Variants in LRP12 observed in about 807,000 individuals in gnomAD.
The protein encoded by LRP12 is low-density lipoprotein receptor-related protein 12.
LRP12 carries 14 observed loss-of-function variants against 66.0 expected under a neutral mutation model. That is an observed-to-expected ratio of 0.21 (90% CI 0.14 to 0.33). The LOEUF is 0.33. Among genes scored for constraint, LRP12 ranks in the 10% least tolerant of loss-of-function variants. LRP12 has a pLI of 1.00. For missense variants in LRP12, 889 were observed against 1,053.4 expected, an observed-to-expected ratio of 0.84 and a Z score of 2.16; for synonymous variants, 357 against 359.1, an observed-to-expected ratio of 0.99 and a Z score of 0.07.
At chr8:104,581,861 G>C (rs1812253660) in intron 1 of LRP12, among the ~76,000 whole-genome samples, 1 of 152,084 alleles carries the variant, frequency 6.6e-6, no homozygotes, top group Non-Finnish European at 1.5e-5. Flanking sequence ...CTCACACAAT[G>C]ATTTTGAGAA....
chr8:104,517,190 C>T (rs886279521), intron 2 of LRP12, among the ~76,000 whole-genome samples: 3 of 149,490 alleles, frequency 2.0e-5, no homozygotes, highest in Non-Finnish European at 4.4e-5. Context: ...AATATGACAG[C>T]ATACCAGATA....
chr8:104,512,643 G>A (rs1315235418), intron 2 of LRP12, among the ~76,000 whole-genome samples: 2 of 152,032 alleles, frequency 1.3e-5, no homozygotes, highest in Non-Finnish European at 2.9e-5. Context: ...TGACTAAATC[G>A]ATAGAATAAT....
Position 104,498,046 on chromosome 8 carries a change from T to C in LRP12, c.506A>G (p.Asp169Gly). The C allele has an allele frequency of 1.2e-6, 2 of 1,604,620 alleles. No homozygotes were observed. Among genetic ancestry groups the C allele is most frequent in the South Asian group, 1.1e-5 (1 of 89,328 alleles). Residue 169 changes from aspartate to glycine, a missense_variant, in exon 5 of 7, where the codon GAT becomes GGT. Coordinates refer to ENST00000276654, the MANE Select transcript of LRP12 (RefSeq NM_013437.5). ...CTTTCCATTACCACAACGAAACTGATCACAAGCACAATTTGGTTCCTCAGA... is the reference window on the plus strand; with the variant it reads ...CTTTCCATTACCACAACGAAACTGACCACAAGCACAATTTGGTTCCTCAGA... ...GKSEEPNCAC[D>G]QFRCGNGKCI...
chr8:104,548,164 TATATATA>T (rs1485639161), intron 1 of LRP12, among the ~76,000 whole-genome samples: 19 of 45,648 alleles, frequency 4.2e-4, no homozygotes, highest in African/African-American at 1.9e-3. Flanking sequence ...TAATAATTAT[TATATATA>T]ATATAATATA....
Position 104,556,896 on chromosome 8 carries a change from A to C in LRP12, c.80-24933T>G, listed in dbSNP as rs112412831. Among the ~76,000 whole-genome samples the C allele has an allele frequency of 4.7e-3, 718 of 152,352 alleles. 8 individuals carry two copies. The highest frequency in any genetic ancestry group is 0.016 in the African/African-American group (685 of 41,582). ...ACCAGCTAACCAAATCCAATAGCAT[A>C]TAAAAAGATAACCCACCATGATCAA... On this transcript the variant is annotated intron_variant, in intron 1 of 6. Transcript: ENST00000276654.
chr8:104,547,788 A>C (rs1313867649), intron 1 of LRP12, among the ~76,000 whole-genome samples: 2 of 128,976 alleles, frequency 1.6e-5, no homozygotes, highest in African/African-American at 5.8e-5. Flanking sequence ...TGTATATAAT[A>C]TATAATTATA....
At chr8:104,537,067 TAA>T (rs563891275) in intron 1 of LRP12, among the ~76,000 whole-genome samples, 2 of 141,296 alleles carry the variant, frequency 1.4e-5, no homozygotes. Context: ...GAAAAATATG[TAA>T]AAAAAAAAAA....
intron 1 of LRP12, among the ~76,000 whole-genome samples, chr8:104,560,280 A>C (rs918507860): frequency 6.6e-6 from 1 of 152,164 alleles, no homozygotes; most frequent in Non-Finnish European, 1.5e-5. Flanking sequence ...GAAGAACAGA[A>C]TCAAGTATCA....
At chr8:104,556,903 G>T (rs1811818973) in intron 1 of LRP12, among the ~76,000 whole-genome samples, 2 of 152,094 alleles carry the variant, frequency 1.3e-5, no homozygotes, top group Non-Finnish European at 2.9e-5. Flanking sequence ...CATATAAAAA[G>T]ATAACCCACC....
intron 1 of LRP12, among the ~76,000 whole-genome samples, chr8:104,555,295 T>G (rs996584952): frequency 6.6e-6 from 1 of 152,062 alleles, no homozygotes; most frequent in East Asian, 1.9e-4. Context: ...AATAGCATGA[T>G]GAAAAGAATA....
intron 1 of LRP12, among the ~76,000 whole-genome samples, chr8:104,584,913 G>T (rs1048909071): frequency 6.6e-6 from 1 of 152,206 alleles, no homozygotes; most frequent in Non-Finnish European, 1.5e-5. Flanking sequence ...CCTTAAACCA[G>T]TTATTAAGTG....
At chr8:104,544,136 T>A (rs1811520498) in intron 1 of LRP12, among the ~76,000 whole-genome samples, 1 of 152,148 alleles carries the variant, frequency 6.6e-6, no homozygotes, top group African/African-American at 2.4e-5. Flanking sequence ...TTTGATGGTC[T>A]GGAAAGAAGA....
chr8:104,552,363 C>CG (rs10638895), intron 1 of LRP12, among the ~76,000 whole-genome samples: 11,272 of 149,574 alleles, frequency 0.075, 473 homozygotes, highest in African/African-American at 0.083. Flanking sequence ...ATAAATATGT[C>CG]TTTTTTTTGT....
chr8:104,575,970 A>G lies in LRP12; in HGVS notation c.79+12849T>C, dbSNP rs560843380. ...AAAAACACACTTTAAGAATTTCATA[A>G]TGCAATCATAAGTATTAATAGCAGA... is the stretch of plus-strand genomic sequence containing the variant. On this transcript the variant is annotated intron_variant, in intron 1 of 6. Coordinates refer to ENST00000276654, the MANE Select transcript of LRP12 (RefSeq NM_013437.5). Among the ~76,000 whole-genome samples the G allele has an allele frequency of 2.0e-5, 3 of 152,300 alleles. No individual in the cohort carries two copies. The South Asian group carries it at 6.2e-4, about 32-fold the overall frequency.
At chr8:104,529,684 T>A (rs1397566451) in intron 2 of LRP12, among the ~76,000 whole-genome samples, 2 of 152,192 alleles carry the variant, frequency 1.3e-5, no homozygotes, top group Non-Finnish European at 2.9e-5. Context: ...TTGCAAGTGA[T>A]CAATGCACAT....
chr8:104,545,045 T>A (rs1228779359), intron 1 of LRP12, among the ~76,000 whole-genome samples: 1 of 152,164 alleles, frequency 6.6e-6, no homozygotes, highest in Non-Finnish European at 1.5e-5. Flanking sequence ...GTCAATGAAC[T>A]GTAACCTAAC....
At chr8:104,567,151 G>GA (rs1812018201) in intron 1 of LRP12, among the ~76,000 whole-genome samples, 1 of 151,986 alleles carries the variant, frequency 6.6e-6, no homozygotes, top group South Asian at 2.1e-4. Flanking sequence ...ATTAGGTAAG[G>GA]AAAAAAAGCC....
At chr8:104,547,622 A>T (rs576167066) in intron 1 of LRP12, among the ~76,000 whole-genome samples, 1 of 125,572 alleles carries the variant, frequency 8.0e-6, no homozygotes, top group African/African-American at 3.1e-5. Flanking sequence ...ATAATATATT[A>T]ATATATAATA....
intron 1 of LRP12, among the ~76,000 whole-genome samples, chr8:104,550,277 T>C (rs528178941): frequency 6.6e-6 from 1 of 152,276 alleles, no homozygotes; most frequent in Non-Finnish European, 1.5e-5. Flanking sequence ...TTTAAGCAAA[T>C]TTGTCTAGCT....
Sources: allele counts gnomAD v4.1 joint callset (sites outside exome capture counted in the v4.1 genomes callset), GRCh38; gene constraint gnomAD v4.1.1; transcripts MANE v1.5; gene names NCBI Gene and HGNC (gene_info 2026-07-23, HGNC 2026-07-21).